The following VPS13C variants were observed in gnomAD, a reference collection of about 807,000 sequenced individuals.
The protein encoded by VPS13C is vacuolar protein sorting 13 homolog C.
In VPS13C, 358 loss-of-function variants were observed where a neutral mutation model predicts 456.8. That is an observed-to-expected ratio of 0.78 (90% CI 0.72 to 0.86). VPS13C has a LOEUF of 0.86. VPS13C is among the 40% of genes least tolerant of loss of function. The pLI is 0.00. For missense variants in VPS13C, 4,818 were observed against 4,385.4 expected, an observed-to-expected ratio of 1.10 and a Z score of -2.79; for synonymous variants, 1,578 against 1,486.7, an observed-to-expected ratio of 1.06 and a Z score of -1.41.
chr15:62,012,262 C>T, intron 11 of VPS13C, 98 bp from the exon 12 acceptor site: 1 of 559,884 alleles, frequency 1.8e-6, no homozygotes, highest in Non-Finnish European at 3.0e-6. Context: ...ACACACAAAG[C>T]TTGGTTCTTC....
chr15:61,933,780 A>C (rs184477263), intron 49 of VPS13C, among the ~76,000 whole-genome samples: 1 of 152,202 alleles, frequency 6.6e-6, no homozygotes, highest in Admixed American at 6.5e-5. Context: ...CATTTATTCA[A>C]TAGAAACACA....
At position 62,007,288 on chromosome 15, in the gene VPS13C, C is replaced by A; in HGVS notation, c.1290+20G>T. The A allele has an allele frequency of 1.9e-6, 3 of 1,547,310 alleles. No individual in the cohort carries two copies. Among genetic ancestry groups the A allele is most frequent in the Non-Finnish European group, 1.7e-6 (2 of 1,143,668 alleles). On this transcript the variant is annotated intron_variant, in intron 15 of 84. Transcript: ENST00000644861. The stretch of plus-strand genomic sequence containing the variant: ...ATGATTAGACAAATAATAGCTCTCA[C>A]TAATATATGCAAGATATACCTGAAT...
Position 61,863,495 on chromosome 15 carries a change from G to T in VPS13C, c.10897C>A (p.Arg3633=), listed in dbSNP as rs1369218415. 1 of 1,612,570 alleles carries T rather than the reference G, an allele frequency of 6.2e-7. No homozygotes were observed. Among genetic ancestry groups the T allele is most frequent in the Non-Finnish European group, 8.5e-7 (1 of 1,179,096 alleles). ...HIKKLEGETY[R]YHCAIPGSKK... is the part of the protein sequence containing the mutation. ...CTTCCAGGAATAGCACAGTGGTATC[G>T]GTAAGTCTCTCCTTCCAACTTTTTG... The change falls in exon 82 of 85, where the codon CGA becomes AGA. Residue 3633 remains arginine, a synonymous_variant. Coordinates refer to ENST00000644861, the MANE Select transcript of VPS13C (RefSeq NM_020821.3).
chr15:62,023,918 C>G (rs918082481), intron 6 of VPS13C, 73 bp from the exon 7 acceptor site: 128 of 1,410,642 alleles, frequency 9.1e-5, no homozygotes, highest in Non-Finnish European at 1.1e-4. Flanking sequence ...GAAAAGAAAA[C>G]AAGAGAATTT....
chr15:61,865,569 CGTATATATGTGT>C (rs1894487735), intron 81 of VPS13C: 3 of 801,328 alleles, frequency 3.7e-6, no homozygotes, highest in Non-Finnish European at 4.5e-6. Context: ...TGTATGTTTG[CGTATATATGTGT>C]GTATATGTGT....
At chr15:61,857,649 C>T (rs1302714213) in intron 82 of VPS13C, among the ~76,000 whole-genome samples, 1 of 152,084 alleles carries the variant, frequency 6.6e-6, no homozygotes, top group African/African-American at 2.4e-5. Context: ...TTTAGATTCA[C>T]GGTTCTGGTG....
intron 25 of VPS13C, 34 bp from the exon 26 acceptor site, chr15:61,973,566 G>C: frequency 6.6e-7 from 1 of 1,517,018 alleles, no homozygotes; most frequent in East Asian, 2.3e-5. Context: ...TCTTAAAAAG[G>C]ATGACTTAGC....
chr15:62,049,056 C>T (rs2048528614), intron 1 of VPS13C, among the ~76,000 whole-genome samples: 1 of 151,508 alleles, frequency 6.6e-6, no homozygotes, highest in Admixed American at 6.6e-5. Flanking sequence ...TGTAGGTTGC[C>T]TGTTCACTCT....
Position 61,991,986 on chromosome 15 carries a change from T to C in VPS13C, c.1354-184A>G, listed in dbSNP as rs75647703. 2.2e-3 allele frequency among the ~76,000 whole-genome samples: 336 copies of C among 152,190 alleles called. 1 individual carries two copies. The highest frequency in any genetic ancestry group is 7.6e-3 in the African/African-American group (315 of 41,528). On this transcript the variant is annotated intron_variant, in intron 16 of 84. Coordinates refer to ENST00000644861, the MANE Select transcript of VPS13C (RefSeq NM_020821.3). ...TAAATGCAGTCTCCCTATTAGTTTA[T>C]TAATACTTCTCACACCAACTGATAG...
chr15:61,948,337 C>T (rs2044673570), intron 42 of VPS13C, among the ~76,000 whole-genome samples: 1 of 152,068 alleles, frequency 6.6e-6, no homozygotes, highest in Middle Eastern at 3.2e-3. Context: ...GCAGGTAAAG[C>T]TCTTTTACTC....
intron 9 of VPS13C, among the ~76,000 whole-genome samples, chr15:62,018,665 G>C (rs1204700541): frequency 6.6e-6 from 1 of 151,800 alleles, no homozygotes. Context: ...TAAGCTTTTT[G>C]ATGTGCTGCT....
intron 24 of VPS13C, among the ~76,000 whole-genome samples, chr15:61,976,840 G>C (rs1298750083): frequency 6.6e-6 from 1 of 151,766 alleles, no homozygotes; most frequent in African/African-American, 2.4e-5. Context: ...CATTGGATTC[G>C]ATTCATTCAA....
intron 27 of VPS13C, among the ~76,000 whole-genome samples, chr15:61,971,538 G>A (rs1040681047): frequency 2.0e-5 from 3 of 152,156 alleles, no homozygotes; most frequent in African/African-American, 4.8e-5. Flanking sequence ...TGGGATTACA[G>A]GCGTGAGCCA....
intron 66 of VPS13C, among the ~76,000 whole-genome samples, chr15:61,902,561 T>A (rs1215258786): frequency 6.7e-6 from 1 of 149,286 alleles, no homozygotes; most frequent in Non-Finnish European, 1.5e-5. Context: ...CAAATTAACA[T>A]GACACATGAC....
chr15:61,997,432 C>A (rs1345005566), intron 16 of VPS13C, among the ~76,000 whole-genome samples: 1 of 152,048 alleles, frequency 6.6e-6, no homozygotes, highest in Non-Finnish European at 1.5e-5. Context: ...TGTGCTGACC[C>A]TTCCTACATT....
At chr15:62,026,756 G>A (rs1195005996) in intron 6 of VPS13C, among the ~76,000 whole-genome samples, 1 of 152,042 alleles carries the variant, frequency 6.6e-6, no homozygotes, top group African/African-American at 2.4e-5. Context: ...AAATATTAAA[G>A]AGACATGCTC....
intron 4 of VPS13C, among the ~76,000 whole-genome samples, chr15:62,034,667 G>A (rs1392374900): frequency 1.3e-5 from 2 of 151,676 alleles, no homozygotes; most frequent in East Asian, 3.8e-4. Context: ...CAGTAAATCT[G>A]CCTAATGCAG....
rs2046891940 is a variant in VPS13C at position 62,007,444 on chromosome 15, T to C, written c.1154A>G (p.His385Arg). 3 of 1,597,946 alleles carry C rather than the reference T, an allele frequency of 1.9e-6. No homozygotes were observed. Among genetic ancestry groups the C allele is most frequent in the South Asian group, 2.3e-5 (2 of 85,992 alleles). ...CCACATCTGTGTATACCTTCTTATATGAACTTCAAGAACAGAATCAATTGC... is the reference window on the plus strand; with the variant it reads ...CCACATCTGTGTATACCTTCTTATACGAACTTCAAGAACAGAATCAATTGC... ...KYAIDSVLEV[H>R]IRRYTQMWSW... Residue 385 changes from histidine (H) to arginine (R), a missense_variant, in exon 15 of 85, where the codon CAT (histidine) becomes CGT (arginine). This residue lies in a region of VPS13C where 4,552 missense variants were observed against 4,130.6 expected (regional missense o/e 1.10). Transcript: ENST00000644861.
At chr15:62,016,482 T>C (rs993293493) in intron 9 of VPS13C, among the ~76,000 whole-genome samples, 21 of 142,564 alleles carry the variant, frequency 1.5e-4, no homozygotes, top group African/African-American at 2.3e-4. Flanking sequence ...CCAAGTGTTC[T>C]CATTGTTCAA....
Sources: allele counts gnomAD v4.1 joint callset (sites outside exome capture counted in the v4.1 genomes callset), GRCh38; gene constraint gnomAD v4.1.1; regional missense constraint gnomAD v4.1.1; transcripts MANE v1.5; gene names NCBI Gene and HGNC (gene_info 2026-07-23, HGNC 2026-07-21).